Variants in PCDHGA1 observed in about 807,000 individuals in gnomAD.
PCDHGA1 encodes the protein protocadherin gamma-A1.
A neutral mutation model predicts 58.0 loss-of-function variants in PCDHGA1; 32 were observed. The observed-to-expected ratio is 0.55, with a 90% CI of 0.42 to 0.74. The LOEUF (loss-of-function observed/expected upper bound fraction) is 0.74, where lower values mean the gene tolerates loss of function less well. Among genes scored for constraint, PCDHGA1 ranks in the 30% least tolerant of loss-of-function variants. The pLI, the probability that PCDHGA1 is intolerant of heterozygous loss-of-function variation, is 0.00. For missense variants in PCDHGA1, 1,205 were observed against 1,182.3 expected (o/e 1.02, Z -0.28); for synonymous variants, 498 against 501.1 (o/e 0.99, Z 0.08).
At chr5:141,467,064 T>C (rs1289790911) in intron 1 of PCDHGA1, among the ~76,000 whole-genome samples, 2 of 151,724 alleles carry the variant, frequency 1.3e-5, no homozygotes, top group Middle Eastern at 3.2e-3. Context: ...TCTTTTTTTT[T>C]TTTTTTTAGA....
chr5:141,381,725 G>T (rs568567698), intron 1 of PCDHGA1, among the ~76,000 whole-genome samples: 1 of 151,768 alleles, frequency 6.6e-6, no homozygotes, highest in Admixed American at 6.6e-5. Flanking sequence ...AAGACTGGGA[G>T]TGAGAATATT....
Position 141,334,891 on chromosome 5 carries a change from T to C in PCDHGA1, c.2421+1786T>C, listed in dbSNP as rs985747775. Among the ~76,000 whole-genome samples the C allele has an allele frequency of 6.6e-6, 1 of 152,098 alleles. No individual in the cohort carries two copies. The highest frequency in any genetic ancestry group is 6.6e-5 in the Admixed American group (1 of 15,266). Reference sequence around the variant, plus strand: ...AGGAGGGAAGGAGAGAGGGATATAGTGTAGAAGAGAAAAAAACAAACTAAA... The same window carrying C: ...AGGAGGGAAGGAGAGAGGGATATAGCGTAGAAGAGAAAAAAACAAACTAAA... On this transcript the variant is annotated intron_variant, in intron 1 of 3. Coordinates refer to ENST00000517417, the MANE Select transcript of PCDHGA1 (RefSeq NM_018912.3). This position sits in a 1 kb window ranked among gnomAD's most constrained non-coding sequence, Gnocchi z 4.6.
At chr5:141,460,908 T>C (rs550367008) in intron 1 of PCDHGA1, among the ~76,000 whole-genome samples, 2,136 of 133,318 alleles carry the variant, frequency 0.016, 43 homozygotes, top group African/African-American at 0.062. Flanking sequence ...TAATATTCCA[T>C]GGTGTATATA....
chr5:141,504,546 G>A (rs911626023), intron 2 of PCDHGA1, among the ~76,000 whole-genome samples: 5 of 151,802 alleles, frequency 3.3e-5, no homozygotes, highest in African/African-American at 1.2e-4. Flanking sequence ...CATGGCAAAT[G>A]TTGGGGGACT....
chr5:141,453,101 T>TTTTTGTTTTG (rs879618609), intron 1 of PCDHGA1, among the ~76,000 whole-genome samples: 1 of 152,012 alleles, frequency 6.6e-6, no homozygotes, highest in Non-Finnish European at 1.5e-5. Flanking sequence ...TTCTGTTGCT[T>TTTTTGTTTTG]TTTTGTTTTG....
At chr5:141,369,725 G>A (rs540933138) in intron 1 of PCDHGA1, among the ~76,000 whole-genome samples, 2 of 152,288 alleles carry the variant, frequency 1.3e-5, no homozygotes, top group African/African-American at 4.8e-5. Flanking sequence ...TTAGAAGTTA[G>A]AAGTAAAGGA....
rs376209053 is a variant in PCDHGA1, at chr5:141,410,666, T to A, written c.2421+77561T>A. On this transcript the variant is annotated intron_variant, in intron 1 of 3. Transcript: ENST00000517417. ...TGTGATTTATCTAATAGTCTACTAG[T>A]TTCTCATATTTTAGGCATACTACTT... is the stretch of plus-strand genomic sequence containing the variant. 2.6e-6 allele frequency: 4 copies of A among 1,565,890 alleles called. No homozygotes were observed. In the African/African-American group the frequency reaches 5.5e-5, roughly 21 times the overall value.
At chr5:141,505,816 C>A (rs1236221927) in intron 3 of PCDHGA1, among the ~76,000 whole-genome samples, 2 of 152,178 alleles carry the variant, frequency 1.3e-5, no homozygotes, top group African/African-American at 4.8e-5. Flanking sequence ...CTTGCTCAAT[C>A]TCTCTAAACC....
intron 1 of PCDHGA1, chr5:141,410,497 T>TG (rs1192894414): frequency 6.2e-7 from 1 of 1,613,998 alleles, no homozygotes; most frequent in South Asian, 1.1e-5. Flanking sequence ...AAGAGTTTAA[T>TG]TTCCTAAAAT....
chr5:141,354,727 C>A (rs749697850), intron 1 of PCDHGA1, among the ~76,000 whole-genome samples: 19 of 151,968 alleles, frequency 1.3e-4, no homozygotes, highest in Non-Finnish European at 1.8e-4. Flanking sequence ...TGGGGATGAA[C>A]AATGTGAAAA....
At chr5:141,446,339 G>A (rs1455819111) in intron 1 of PCDHGA1, among the ~76,000 whole-genome samples, 1 of 152,164 alleles carries the variant, frequency 6.6e-6, no homozygotes, top group Non-Finnish European at 1.5e-5. Flanking sequence ...GAACTGGATG[G>A]ACAAAGCTAC....
chr5:141,432,087 C>G lies in PCDHGA1; in HGVS notation c.2422-62720C>G. On this transcript the variant is annotated intron_variant, in intron 1 of 3. Coordinates refer to ENST00000517417, the MANE Select transcript of PCDHGA1 (RefSeq NM_018912.3). This position sits in a 1 kb window ranked among gnomAD's most constrained non-coding sequence, Gnocchi z 6.0. ...GAAACTCATATCTCGCTGAACGTGG[C>G]AGACACCAACGACAACCCGCCGGTC... 3 of 1,614,178 alleles carry G rather than the reference C, an allele frequency of 1.9e-6. No homozygotes were observed. The highest frequency in any genetic ancestry group is 2.5e-6 in the Non-Finnish European group (3 of 1,180,042).
rs760591099 is a variant in PCDHGA1, at chr5:141,345,468, C to G, written c.2421+12363C>G. ...CATCTTCTCAGTGACAGCCCAGGAC[C>G]CAGATAGCAACAACAACGCCCGCAT... On this transcript the variant is annotated intron_variant, in intron 1 of 3. Transcript: ENST00000517417. 4.1e-5 allele frequency: 66 copies of G among 1,614,138 alleles called. 2 individuals are homozygous for G. In the Middle Eastern group the frequency reaches 6.3e-3, roughly 153 times the overall value.
chr5:141,346,273 G>T (rs202194695), intron 1 of PCDHGA1: 2 of 1,614,046 alleles, frequency 1.2e-6, no homozygotes, highest in African/African-American at 2.7e-5. Context: ...GACGGGGTTC[G>T]GGCTTTCCTG....
intron 1 of PCDHGA1, chr5:141,415,740 G>GTTTTTTTTTTTTTTTTTTTTTTTTT: frequency 1.8e-5 from 11 of 617,990 alleles, no homozygotes; most frequent in Non-Finnish European, 2.4e-5. Context: ...GTTTATTAAG[G>GTTTTTTTTTTTTTTTTTTTTTTTTT]TTTTTTTTTT....
chr5:141,432,600 C>T lies in PCDHGA1; in HGVS notation c.2422-62207C>T, dbSNP rs901310090. The T allele has an allele frequency of 1.9e-6, 3 of 1,613,832 alleles. No individual in the cohort carries two copies. The East Asian group carries it at 6.7e-5, about 36-fold the overall frequency. ...TACCGTCTGCTCAAGGCCAGCGAGCCGGGACTCTTCTCGGTGGGTCTGCAC... is the reference window on the plus strand; with the variant it reads ...TACCGTCTGCTCAAGGCCAGCGAGCTGGGACTCTTCTCGGTGGGTCTGCAC... On this transcript the variant is annotated intron_variant, in intron 1 of 3. Transcript: ENST00000517417. The surrounding 1 kb of genome is among the most constrained non-coding windows in gnomAD (Gnocchi z 6.0).
intron 1 of PCDHGA1, chr5:141,376,286 A>T: frequency 6.2e-7 from 1 of 1,614,174 alleles, no homozygotes; most frequent in Non-Finnish European, 8.5e-7. Flanking sequence ...CTTAGCGAGC[A>T]TGCCCGGCTC....
intron 1 of PCDHGA1, chr5:141,372,555 C>T: frequency 6.2e-7 from 1 of 1,614,046 alleles, no homozygotes; most frequent in Non-Finnish European, 8.5e-7. Context: ...CTCCTCCAGA[C>T]CCGCCACTGA....
At chr5:141,405,227 C>T (rs562247940) in intron 1 of PCDHGA1, 1 of 1,614,114 alleles carries the variant, frequency 6.2e-7, no homozygotes, top group South Asian at 1.1e-5. Flanking sequence ...GGAGTTCTCC[C>T]TCACCGCTGA....
Sources: allele counts gnomAD v4.1 joint callset (sites outside exome capture counted in the v4.1 genomes callset), GRCh38; gene constraint gnomAD v4.1.1; non-coding constraint Gnocchi (gnomAD v3.1); transcripts MANE v1.5; gene names NCBI Gene and HGNC (gene_info 2026-07-23, HGNC 2026-07-21).